LAMA4: variants seen among roughly 807,000 people sequenced by gnomAD.
LAMA4 encodes laminin subunit alpha-4.
A neutral mutation model predicts 207.1 loss-of-function variants in LAMA4; 127 were observed. That is an observed-to-expected ratio of 0.61 (90% CI 0.53 to 0.71). LAMA4 has a LOEUF of 0.71. Ranked by LOEUF, LAMA4 falls within the 30% of genes least tolerant of loss-of-function variation. The pLI is 0.00. For missense variants in LAMA4, 2,093 were observed against 2,246.5 expected (o/e 0.93, Z 1.38); for synonymous variants, 761 against 816.0 (o/e 0.93, Z 1.15).
intron 9 of LAMA4, chr6:112,179,754 T>G (rs1782235616): frequency 3.6e-6 from 1 of 279,808 alleles, no homozygotes; most frequent in Non-Finnish European, 7.4e-6. Context: ...AACAAACACA[T>G]GCCCAGAGGC....
intron 24 of LAMA4, 52 bp downstream of exon 24, chr6:112,139,068 C>T (rs1261565046): frequency 1.9e-6 from 3 of 1,555,004 alleles, no homozygotes; most frequent in African/African-American, 2.7e-5. Flanking sequence ...ACATGAGTAG[C>T]AGAAAGTAAA....
intron 2 of LAMA4, among the ~76,000 whole-genome samples, chr6:112,220,116 C>T (rs978245682): frequency 2.0e-5 from 3 of 152,118 alleles, no homozygotes; most frequent in Admixed American, 1.3e-4. Context: ...CTTAAAAATA[C>T]ATAGTTATTA....
intron 21 of LAMA4, 114 bp from the exon 22 acceptor site, chr6:112,141,036 A>G (rs559129892): frequency 1.1e-6 from 1 of 881,574 alleles, no homozygotes; most frequent in African/African-American, 1.7e-5. Context: ...TGACACTAAT[A>G]AGCATTTACA....
rs1779741892 is a variant in LAMA4 at position 112,142,246 on chromosome 6, T to C, written c.2540A>G (p.His847Arg). The C allele has an allele frequency of 6.2e-7, 1 of 1,613,912 alleles. No homozygotes were observed. The highest frequency in any genetic ancestry group is 8.5e-7 in the Non-Finnish European group (1 of 1,179,962). ...MFDGQSAVEVHSRTSMDDLKA... is the reference protein window; with the variant it reads ...MFDGQSAVEVRSRTSMDDLKA... ...TAAGTCATCCATACTGGTTCTCGAG[T>C]GCACTTCCACAGCTGACTGGCCATC... Residue 847 changes from histidine (H) to arginine (R), a missense_variant, in exon 20 of 39, where the codon CAC becomes CGC. His to Arg is a conservative substitution (Grantham distance 29). Around this residue, in one of 3 missense-constraint regions of LAMA4, gnomAD observed 1,704 missense variants for 1,788.4 expected, o/e 0.95. Coordinates refer to ENST00000230538, the MANE Select transcript of LAMA4 (RefSeq NM_001105206.3).
intron 18 of LAMA4, among the ~76,000 whole-genome samples, chr6:112,145,931 A>G (rs1256526781): frequency 6.6e-6 from 1 of 152,082 alleles, no homozygotes; most frequent in Non-Finnish European, 1.5e-5. Context: ...AGGTAGGAAG[A>G]TTGTTTTCCA....
At chr6:112,193,301 G>A (rs1383763401) in intron 5 of LAMA4, among the ~76,000 whole-genome samples, 3 of 152,062 alleles carry the variant, frequency 2.0e-5, no homozygotes, top group African/African-American at 4.8e-5. Context: ...GGGATGGGGT[G>A]GGGTATAGAG....
intron 33 of LAMA4, 129 bp from the exon 34 acceptor site, chr6:112,119,440 A>G: frequency 1.0e-6 from 1 of 1,003,942 alleles, no homozygotes; most frequent in Non-Finnish European, 1.5e-6. Context: ...TATTTTTAAA[A>G]TGGCCCCATC....
intron 16 of LAMA4, among the ~76,000 whole-genome samples, chr6:112,153,186 TAA>T (rs1554336108): frequency 3.3e-5 from 5 of 152,084 alleles, no homozygotes; most frequent in African/African-American, 1.2e-4. Context: ...ATTTGGGAAA[TAA>T]AGATTACTGA....
At chr6:112,189,260 G>T in intron 6 of LAMA4, 55 bp from the exon 7 acceptor site, 1 of 1,239,534 alleles carries the variant, frequency 8.1e-7, no homozygotes, top group Non-Finnish European at 1.2e-6. Flanking sequence ...CTTAAAATAT[G>T]GCAATATTTT....
intron 11 of LAMA4, among the ~76,000 whole-genome samples, chr6:112,174,359 T>C (rs1219773773): frequency 6.6e-6 from 1 of 152,248 alleles, no homozygotes; most frequent in East Asian, 1.9e-4. Flanking sequence ...GCCCCAGACA[T>C]CTGAGTGAGC....
At chr6:112,241,244 T>C (rs1786488463) in intron 2 of LAMA4, among the ~76,000 whole-genome samples, 1 of 142,894 alleles carries the variant, frequency 7.0e-6, no homozygotes, top group African/African-American at 2.5e-5. Context: ...TGAATGTGTA[T>C]ATATATACAC....
At position 112,187,756 on chromosome 6, in the gene LAMA4, T is replaced by C. The variant is rs1054188396; in HGVS notation, c.815-155A>G. Among the ~76,000 whole-genome samples, 6 of 152,312 alleles carry C rather than the reference T, an allele frequency of 3.9e-5. 1 individual carries two copies. The highest frequency in any genetic ancestry group is 6.5e-5 in the Admixed American group (1 of 15,308). ...TCTATTCTTGTCAGGCTTTAGTATCTTGCTTGGCATTAGCTAGTGAAGATG... is the reference window on the plus strand; with the variant it reads ...TCTATTCTTGTCAGGCTTTAGTATCCTGCTTGGCATTAGCTAGTGAAGATG... On this transcript the variant is annotated intron_variant, in intron 7 of 38. Coordinates refer to ENST00000230538, the MANE Select transcript of LAMA4 (RefSeq NM_001105206.3).
chr6:112,207,289 T>C (rs1339337620), intron 3 of LAMA4, 144 bp from the exon 4 acceptor site: 2 of 886,926 alleles, frequency 2.3e-6, no homozygotes, highest in East Asian at 2.6e-5. Flanking sequence ...CAGATTAGCA[T>C]GAGGAGTCAC....
chr6:112,133,012 T>C, intron 27 of LAMA4, 122 bp from the exon 28 acceptor site: 1 of 1,059,088 alleles, frequency 9.4e-7, no homozygotes, highest in Non-Finnish European at 1.4e-6. Context: ...ATTTTCCCAC[T>C]TCTGGTCTAT....
At chr6:112,139,722 A>G (rs1554332550) in intron 23 of LAMA4, 30 bp downstream of exon 23, 1 of 1,611,792 alleles carries the variant, frequency 6.2e-7, no homozygotes, top group South Asian at 1.1e-5. Context: ...ATGAATATCC[A>G]AGTCTTTAGT....
At chr6:112,219,395 G>A (rs1201123402) in intron 2 of LAMA4, 2 of 152,128 alleles carry the variant, frequency 1.3e-5, no homozygotes, top group African/African-American at 4.8e-5. Flanking sequence ...GAATGTCTAT[G>A]TATGAGAGAG....
intron 12 of LAMA4, among the ~76,000 whole-genome samples, chr6:112,168,621 C>G: frequency 6.6e-6 from 1 of 152,064 alleles, no homozygotes. Flanking sequence ...GCAGGGATTA[C>G]AGGCGTGAGC....
intron 5 of LAMA4, among the ~76,000 whole-genome samples, chr6:112,198,100 G>C (rs1783525098): frequency 6.6e-6 from 1 of 152,162 alleles, no homozygotes; most frequent in South Asian, 2.1e-4. Context: ...TCAAGGTAGA[G>C]CGGTAGTTCA....
intron 4 of LAMA4, among the ~76,000 whole-genome samples, chr6:112,202,459 T>TGTGA (rs1783811610): frequency 6.6e-6 from 1 of 152,020 alleles, no homozygotes; most frequent in African/African-American, 2.4e-5. Flanking sequence ...TGTGTGTGTG[T>TGTGA]GTGTGTATGT....
Sources: gnomAD v4.1 joint callset for allele counts (sites outside exome capture counted in the v4.1 genomes callset) on GRCh38, gnomAD v4.1.1 for gene constraint, gnomAD v4.1.1 regional missense constraint, MANE v1.5 for transcripts, NCBI Gene and HGNC (gene_info 2026-07-23, HGNC 2026-07-21) for gene names.